S100PBP: variants seen among roughly 807,000 people sequenced by gnomAD.
S100PBP encodes S100P binding protein, also known as S100P-binding protein.
S100PBP carries 15 observed loss-of-function variants against 39.9 expected under a neutral mutation model. The ratio of observed to expected loss-of-function variants is 0.38; its 90% CI spans 0.25 to 0.58. S100PBP has a LOEUF of 0.58. S100PBP is among the 20% of genes least tolerant of loss of function. S100PBP has a pLI of 0.70. For synonymous variants in S100PBP, 178 were observed against 180.3 expected (o/e 0.99, Z 0.10); for missense variants, 504 against 487.3 (o/e 1.03, Z -0.32).
At chr1:32,820,177 C>T (rs1030791834) in intron 1 of S100PBP, among the ~76,000 whole-genome samples, 6 of 115,600 alleles carry the variant, frequency 5.2e-5, no homozygotes, top group Non-Finnish European at 9.8e-5. Context: ...GATGGAGTCT[C>T]GCTCTGTCAC....
At chr1:32,847,619 A>G (rs1569937798) in intron 5 of S100PBP, 1 of 152,180 alleles carries the variant, frequency 6.6e-6, no homozygotes, top group African/African-American at 2.4e-5. Context: ...ATCACTTCAT[A>G]AGTGAATTAC....
intron 4 of S100PBP, among the ~76,000 whole-genome samples, chr1:32,829,188 C>G (rs994432669): frequency 8.4e-6 from 1 of 118,368 alleles, no homozygotes. Context: ...TTTGCAATCT[C>G]AATATTCTCA....
chr1:32,847,195 G>A (rs898898785), intron 5 of S100PBP: 4 of 152,030 alleles, frequency 2.6e-5, no homozygotes, highest in African/African-American at 7.3e-5. Flanking sequence ...TCCAAGTTTC[G>A]ATGTGATATT....
Position 32,856,141 on chromosome 1 carries a change from A to T in S100PBP, c.*103A>T. 1 of 704,234 alleles carries T rather than the reference A, an allele frequency of 1.4e-6. No individual in the cohort carries two copies. Among genetic ancestry groups the T allele is most frequent in the South Asian group, 2.0e-5 (1 of 49,472 alleles). The allele number at this position is 704,234 out of a possible 1,614,324, so 43.6% of individuals were successfully genotyped here. A position where few individuals can be genotyped will look rare whatever the true frequency, so the allele number is the denominator to read the frequency against. On this transcript the variant is annotated 3_prime_UTR_variant, in exon 7 of 7. Coordinates refer to ENST00000373475, the MANE Select transcript of S100PBP (RefSeq NM_022753.4). ...TTGTGCTTTGCCGATTTTGGATTTT[A>T]TTTTTCACAAAATTTTTATTTAAAA...
chr1:32,836,352 G>C (rs866535282), intron 5 of S100PBP: 1 of 162,028 alleles, frequency 6.2e-6, no homozygotes, highest in South Asian at 2.0e-4. Context: ...GGCTGGTCTC[G>C]AACTCCTGAG....
intron 6 of S100PBP, among the ~76,000 whole-genome samples, chr1:32,853,701 C>T (rs183161069): frequency 3.3e-5 from 5 of 152,182 alleles, no homozygotes; most frequent in African/African-American, 1.2e-4. Flanking sequence ...GAGTTCGAGA[C>T]CAGCCTGGCC....
intron 5 of S100PBP, among the ~76,000 whole-genome samples, chr1:32,838,316 AGAGC>A (rs1377253960): frequency 1.3e-5 from 2 of 148,444 alleles, no homozygotes; most frequent in African/African-American, 4.9e-5. Flanking sequence ...CCTGGGCGAA[AGAGC>A]GAGACTCTGT....
intron 5 of S100PBP, among the ~76,000 whole-genome samples, chr1:32,844,244 G>A (rs997534552): frequency 3.9e-5 from 6 of 151,986 alleles, no homozygotes; most frequent in Non-Finnish European, 1.5e-5. Context: ...CAGAGGTGGG[G>A]TTTTGCTATA....
chr1:32,842,000 T>C (rs1569910048), intron 5 of S100PBP, among the ~76,000 whole-genome samples: 2 of 150,648 alleles, frequency 1.3e-5, no homozygotes, highest in Non-Finnish European at 1.5e-5. Context: ...GCCTGGGCAA[T>C]GTGGTGAAAC....
Position 32,842,236 on chromosome 1 carries a change from T to TATACAC in S100PBP, c.1025-10842_1025-10841insTACACA, listed in dbSNP as rs372174677. ...ATATATATATGTATATATATATATA[T>TATACAC]ACACACACACACACACACACACACA... is the stretch of plus-strand genomic sequence containing the variant. On this transcript the variant is annotated intron_variant, in intron 5 of 6. Transcript: ENST00000373475. Among the ~76,000 whole-genome samples the TATACAC allele has an allele frequency of 3.4e-3, 278 of 80,868 alleles. 1 individual carries two copies. The highest frequency in any genetic ancestry group is 8.6e-3 in the African/African-American group (183 of 21,330). The allele number at this position is 80,868 out of a possible 152,430, so 53.1% of individuals were successfully genotyped here.
chr1:32,824,409 ATAGAT>A (rs1187130177), intron 1 of S100PBP, among the ~76,000 whole-genome samples: 2 of 152,208 alleles, frequency 1.3e-5, no homozygotes, highest in Non-Finnish European at 2.9e-5. Flanking sequence ...GAAAATAATT[ATAGAT>A]TAGGTCTGTC....
At chr1:32,840,088 G>A (rs1473233993) in intron 5 of S100PBP, among the ~76,000 whole-genome samples, 3 of 152,024 alleles carry the variant, frequency 2.0e-5, no homozygotes, top group Admixed American at 6.6e-5. Context: ...AGGTTCAAGC[G>A]ATTCTCCTGT....
rs528933662 is a variant in S100PBP, at chr1:32,821,930, C to T, written c.-119-3383C>T. Among the ~76,000 whole-genome samples the T allele has an allele frequency of 1.7e-4, 26 of 152,192 alleles. 1 individual carries two copies. Among genetic ancestry groups the T allele is most frequent in the Admixed American group, 1.4e-3 (21 of 15,278 alleles). On this transcript the variant is annotated intron_variant, in intron 1 of 6. Coordinates refer to ENST00000373475, the MANE Select transcript of S100PBP (RefSeq NM_022753.4). Reference sequence around the variant, plus strand: ...CTGGGATTACAGGCGTAAGCCATCTCGCGTATTGTTTTTTTAATAAAGTAA... The same window carrying T: ...CTGGGATTACAGGCGTAAGCCATCTTGCGTATTGTTTTTTTAATAAAGTAA...
In S100PBP at chr1:32,826,284, TGAAG is replaced by T. The variant is rs1319738101; in HGVS notation, c.190_193del (p.Glu64MetfsTer43). ...ACAGAGGAAGAGATTGATGCACTGT[TGAAG>T]GAAGATGACCCATCATATGAGCAGT... On this transcript the variant is annotated frameshift_variant, in exon 3 of 7. Transcript: ENST00000373475. LOFTEE classifies it high-confidence loss of function. 6.2e-7 allele frequency: 1 copy of T among 1,613,992 alleles called. No homozygotes were observed. The highest frequency in any genetic ancestry group is 1.3e-5 in the African/African-American group (1 of 74,910).
chr1:32,821,654 T>TG (rs55655720), intron 1 of S100PBP, among the ~76,000 whole-genome samples: 4 of 144,246 alleles, frequency 2.8e-5, no homozygotes, highest in African/African-American at 7.8e-5. Context: ...TTTTTTTTTT[T>TG]GATACAGTTT....
rs751718734 is a variant in S100PBP, at chr1:32,825,313, G to A, written c.-119G>A. The A allele has an allele frequency of 6.6e-6, 1 of 152,136 alleles. No individual in the cohort carries two copies. The highest frequency in any genetic ancestry group is 2.4e-5 in the African/African-American group (1 of 41,420). 9.4% of individuals were successfully genotyped at this position (152,136 alleles called of 1,614,324 possible). Reference sequence around the variant, plus strand: ...CCTCTAATTTTCTTTTTGCCTGCAGGAAGGTGGGAGTCAATCATTTTGACA... The same window carrying A: ...CCTCTAATTTTCTTTTTGCCTGCAGAAAGGTGGGAGTCAATCATTTTGACA... On this transcript the variant is annotated splice_region_variant and 5_prime_UTR_variant, in exon 2 of 7. Transcript: ENST00000373475.
chr1:32,826,238 G>T lies in S100PBP; in HGVS notation c.139G>T (p.Asp47Tyr). ...SLLELSEGEE[D>Y]DGDVNYTEEE... is the part of the protein sequence containing the mutation. ...GCTGGAGCTGTCAGAGGGAGAAGAA[G>T]ATGATGGTGATGTAAATTACACAGA... is the stretch of plus-strand genomic sequence containing the variant. The change falls in exon 3 of 7, where the codon GAT becomes TAT. Residue 47 changes from aspartate (D) to tyrosine (Y), a missense_variant. Physicochemically the swap from Asp to Tyr is radical, Grantham distance 160. Transcript: ENST00000373475. The T allele has an allele frequency of 1.2e-6, 2 of 1,614,182 alleles. No individual in the cohort carries two copies. The highest frequency in any genetic ancestry group is 1.7e-6 in the Non-Finnish European group (2 of 1,180,026).
Position 32,857,013 on chromosome 1 carries a change from A to G in S100PBP, c.*975A>G, listed in dbSNP as rs1640838514. The stretch of plus-strand genomic sequence containing the variant: ...GCTATTGTGGTGTCAGTTGATATTT[A>G]GTTTCATTTGCTGAACCCCAAATTT... On this transcript the variant is annotated 3_prime_UTR_variant, in exon 7 of 7. Transcript: ENST00000373475. 6.6e-6 allele frequency: 1 copy of G among 152,102 alleles called. No homozygotes were observed. The highest frequency in any genetic ancestry group is 1.5e-5 in the Non-Finnish European group (1 of 68,024). The allele number at this position is 152,102 out of a possible 1,614,324, so 9.4% of individuals were successfully genotyped here.
At chr1:32,843,123 A>G (rs916618204) in intron 5 of S100PBP, 4 of 152,200 alleles carry the variant, frequency 2.6e-5, no homozygotes, top group Non-Finnish European at 5.9e-5. Context: ...CTTACATTCT[A>G]TAACCTTCCT....
Sources: gnomAD v4.1 joint callset for allele counts (sites outside exome capture counted in the v4.1 genomes callset) on GRCh38, gnomAD v4.1.1 for gene constraint, MANE v1.5 for transcripts, NCBI Gene and HGNC (gene_info 2026-07-23, HGNC 2026-07-21) for gene names.